The following NTAN1 variants were observed in gnomAD, a reference collection of about 807,000 sequenced individuals.
NTAN1 encodes the protein protein N-terminal asparagine amidohydrolase.
In NTAN1, 32 loss-of-function variants were observed where a neutral mutation model predicts 41.9. The ratio of observed to expected loss-of-function variants is 0.76; its 90% CI spans 0.58 to 1.03. NTAN1 has a LOEUF of 1.03. Ranked by LOEUF, NTAN1 falls within the 50% of genes least tolerant of loss-of-function variation. The probability of loss-of-function intolerance (pLI) is 0.00; values close to 1 mark genes in which losing one functional copy is unlikely to be tolerated. For missense variants in NTAN1, 377 were observed against 377.5 expected, an observed-to-expected ratio of 1.00 and a Z score of 0.01; for synonymous variants, 140 against 139.5, an observed-to-expected ratio of 1.00 and a Z score of -0.03.
In NTAN1 at chr16:15,044,352, G is replaced by C; in HGVS notation, c.415C>G (p.Leu139Val). 6.2e-7 allele frequency: 1 copy of C among 1,612,156 alleles called. No homozygotes were observed. The highest frequency in any genetic ancestry group is 8.5e-7 in the Non-Finnish European group (1 of 1,178,248). The change falls in exon 5 of 10, where the codon CTC (leucine) becomes GTC (valine). Residue 139 changes from leucine (L) to valine (V), a missense_variant. Coordinates refer to ENST00000287706, the MANE Select transcript of NTAN1 (RefSeq NM_173474.4). ...FSDDRQLSQK[L>V]THQLLSEFDR... ...AACTTACTAAGAAGTTGATGAGTGAGTTTTTGTGACAACTGCCTGTCGTCA... is the reference window on the plus strand; with the variant it reads ...AACTTACTAAGAAGTTGATGAGTGACTTTTTGTGACAACTGCCTGTCGTCA...
intron 5 of NTAN1, among the ~76,000 whole-genome samples, chr16:15,043,120 G>A (rs1025170842): frequency 1.5e-4 from 23 of 152,192 alleles, no homozygotes; most frequent in Admixed American, 4.6e-4. Context: ...GGCTGGTCTT[G>A]AACTTCTGAC....
At chr16:15,042,652 T>C (rs1307850248) in intron 5 of NTAN1, among the ~76,000 whole-genome samples, 1 of 152,210 alleles carries the variant, frequency 6.6e-6, no homozygotes, top group African/African-American at 2.4e-5. Context: ...CAAATCTCTA[T>C]GCACATTTCA....
intron 8 of NTAN1, 59 bp downstream of exon 8, chr16:15,039,910 C>G: frequency 1.0e-6 from 1 of 953,790 alleles, no homozygotes; most frequent in Non-Finnish European, 1.6e-6. Flanking sequence ...AAACTTAAGG[C>G]CTTGACATTT....
intron 5 of NTAN1, among the ~76,000 whole-genome samples, chr16:15,042,748 A>ATTTATTTATTTATTTT (rs2043877057): frequency 1.3e-5 from 2 of 149,728 alleles, no homozygotes; most frequent in Non-Finnish European, 3.0e-5. Flanking sequence ...TTATTTATTT[A>ATTTATTTATTTATTTT]TTGAGACGAA....
Position 15,047,559 on chromosome 16 carries a change from C to A in NTAN1, c.251-9G>T. ...GCAGGTGGCCCCATTACCTGAAGAA[C>A]AAGGGTGAAAGGACTCAAGTTATTC... On this transcript the variant is annotated splice_polypyrimidine_tract_variant and intron_variant, in intron 3 of 9. Coordinates refer to ENST00000287706, the MANE Select transcript of NTAN1 (RefSeq NM_173474.4). 1 of 1,600,782 alleles carries A rather than the reference C, an allele frequency of 6.2e-7. No homozygotes were observed. Among genetic ancestry groups the A allele is most frequent in the South Asian group, 1.1e-5 (1 of 90,788 alleles).
chr16:15,055,408 T>TG (rs1367899490), intron 1 of NTAN1, among the ~76,000 whole-genome samples: 1 of 152,142 alleles, frequency 6.6e-6, no homozygotes, highest in African/African-American at 2.4e-5. Context: ...GAGGAAGGAC[T>TG]GGGGGTCCCC....
intron 1 of NTAN1, among the ~76,000 whole-genome samples, 200 bp from the exon 2 acceptor site, chr16:15,048,299 C>T (rs2044158527): frequency 1.3e-5 from 2 of 152,156 alleles, no homozygotes; most frequent in Admixed American, 6.5e-5. Flanking sequence ...TGCGGTTCTG[C>T]GCGGTGGTTT....
In NTAN1 at chr16:15,047,366, AC is replaced by A. The variant is rs1344566007; in HGVS notation, c.359+75del. The A allele has an allele frequency of 3.2e-5, 31 of 963,836 alleles. No individual in the cohort carries two copies. The African/African-American group carries it at 4.1e-4, about 13-fold the overall frequency. The allele number at this position is 963,836 out of a possible 1,614,324, so 59.7% of individuals were successfully genotyped here. ...AGTGGTGGCATCCTGTGTTCCCCTAACAGCTTCCACAGCCACGTCCTGTATG... is the reference window on the plus strand; with the variant it reads ...AGTGGTGGCATCCTGTGTTCCCCTAAAGCTTCCACAGCCACGTCCTGTATG... On this transcript the variant is annotated intron_variant, in intron 4 of 9. Coordinates refer to ENST00000287706, the MANE Select transcript of NTAN1 (RefSeq NM_173474.4).
chr16:15,048,230 G>C, intron 1 of NTAN1, 131 bp from the exon 2 acceptor site: 1 of 632,420 alleles, frequency 1.6e-6, no homozygotes, highest in South Asian at 2.0e-5. Flanking sequence ...TTAGTGGACA[G>C]AGAGGCTCAA....
At position 15,047,478 on chromosome 16, in the gene NTAN1, G is replaced by C; in HGVS notation, c.323C>G (p.Ser108Cys). The C allele has an allele frequency of 1.2e-6, 2 of 1,613,676 alleles. No individual in the cohort carries two copies. Among genetic ancestry groups the C allele is most frequent in the Non-Finnish European group, 1.7e-6 (2 of 1,179,552 alleles). ...TKAEVPLIMN[S>C]IKSFSDHAQC... ...AGCGTGGTCAGAAAAGGATTTTATG[G>C]AGTTCATGATCAAGGGGACCTCAGC... Residue 108 changes from serine to cysteine, a missense_variant, in exon 4 of 10, where the codon TCC (serine) becomes TGC (cysteine). Ser to Cys is a moderately radical substitution (Grantham distance 112, BLOSUM62 -1). Transcript: ENST00000287706.
intron 1 of NTAN1, among the ~76,000 whole-genome samples, chr16:15,051,932 C>G (rs933378987): frequency 6.6e-6 from 1 of 152,082 alleles, no homozygotes; most frequent in Non-Finnish European, 1.5e-5. Context: ...GAAAACCACA[C>G]AGTCCTACTT....
rs146208715 is a variant in NTAN1, at chr16:15,040,011, C to T, written c.597G>A (p.Pro199=). The T allele has an allele frequency of 4.5e-5, 73 of 1,611,972 alleles. No homozygotes were observed. Among genetic ancestry groups the T allele is most frequent in the African/African-American group, 2.0e-4 (15 of 74,808 alleles). ...TTCGCGCAGCACGAAGCTGCTCCTC[C>T]GGACCCCGATCTTGAAAGGATGCTC... ...IYRASFQDRG[P]EEQLRAARTL... The change falls in exon 8 of 10, where the codon CCG becomes CCA. Residue 199 remains proline, a synonymous_variant. Coordinates refer to ENST00000287706, the MANE Select transcript of NTAN1 (RefSeq NM_173474.4).
At chr16:15,050,513 G>C (rs1286264236) in intron 1 of NTAN1, among the ~76,000 whole-genome samples, 3 of 152,138 alleles carry the variant, frequency 2.0e-5, no homozygotes, top group African/African-American at 4.8e-5. Flanking sequence ...AGGGAGGACT[G>C]CTTGAGCCTA....
At position 15,038,024 on chromosome 16, in the gene NTAN1, A is replaced by C; in HGVS notation, c.*7T>G. On this transcript the variant is annotated 3_prime_UTR_variant, in exon 10 of 10. Transcript: ENST00000287706. Reference sequence around the variant, plus strand: ...AAGAAGGTGCTTTCTTTGGTAATTCATGTTTTTTAACTTCCTGGAGAAGAG... The same window carrying C: ...AAGAAGGTGCTTTCTTTGGTAATTCCTGTTTTTTAACTTCCTGGAGAAGAG... 2 of 1,607,424 alleles carry C rather than the reference A, an allele frequency of 1.2e-6. No individual in the cohort carries two copies. Among genetic ancestry groups the C allele is most frequent in the South Asian group, 2.2e-5 (2 of 90,244 alleles).
chr16:15,044,589 C>G, intron 4 of NTAN1, 182 bp from the exon 5 acceptor site: 1 of 602,234 alleles, frequency 1.7e-6, no homozygotes, highest in Non-Finnish European at 3.0e-6. Flanking sequence ...TGGCGAGCTT[C>G]TGGGGACCCT....
rs537092982 is a variant in NTAN1, at chr16:15,038,090, G to A, written c.874C>T (p.Leu292=). The A allele has an allele frequency of 6.2e-6, 10 of 1,612,678 alleles. No individual in the cohort carries two copies. Among genetic ancestry groups the A allele is most frequent in the Middle Eastern group, 1.6e-4 (1 of 6,078 alleles). The change falls in exon 10 of 10, where the codon CTA becomes TTA. Residue 292 remains leucine, a synonymous_variant. Coordinates refer to ENST00000287706, the MANE Select transcript of NTAN1 (RefSeq NM_173474.4). The part of the protein sequence containing the change: ...AHTLFSGNKA[L]LYKKNEDGLW... ...CCATCTTCATTTTTTTTGTAGAGTA[G>A]GGCTTTATTTCCAGAAAACAGTGTG...
intron 1 of NTAN1, among the ~76,000 whole-genome samples, chr16:15,054,466 G>C (rs1211508898): frequency 6.6e-6 from 1 of 152,122 alleles, no homozygotes; most frequent in African/African-American, 2.4e-5. Context: ...AATTCTTCAG[G>C]CGGCTGAAAT....
intron 8 of NTAN1, among the ~76,000 whole-genome samples, chr16:15,039,707 T>C (rs1485037238): frequency 6.6e-6 from 1 of 152,134 alleles, no homozygotes; most frequent in East Asian, 1.9e-4. Context: ...AGAAGTTTGT[T>C]CTCTTTGAAT....
chr16:15,055,380 G>C (rs1453870054), intron 1 of NTAN1, among the ~76,000 whole-genome samples: 1 of 152,198 alleles, frequency 6.6e-6, no homozygotes, highest in Non-Finnish European at 1.5e-5. Context: ...CTACGCCCCG[G>C]GGGTAGGGGA....
Sources: allele counts gnomAD v4.1 joint callset (sites outside exome capture counted in the v4.1 genomes callset), GRCh38; gene constraint gnomAD v4.1.1; transcripts MANE v1.5; gene names NCBI Gene and HGNC (gene_info 2026-07-23, HGNC 2026-07-21).